Variants in CHD7 observed in about 807,000 individuals in gnomAD.
CHD7 encodes ATP-dependent chromatin remodeler CHD7.
CHD7 carries 24 observed loss-of-function variants against 307.3 expected under a neutral mutation model. The ratio of observed to expected loss-of-function variants is 0.08; its 90% confidence interval spans 0.06 to 0.11. CHD7 has a LOEUF of 0.11. Among genes scored for constraint, CHD7 ranks in the 10% least tolerant of loss-of-function variants. The pLI, the probability that CHD7 is intolerant of heterozygous loss-of-function variation, is 1.00. For missense variants in CHD7, 3,106 were observed against 3,727.1 expected (o/e 0.83, Z 4.34); for synonymous variants, 1,363 against 1,349.9 (o/e 1.01, Z -0.21).
At chr8:60,693,585 C>T (rs555854731) in intron 1 of CHD7, among the ~76,000 whole-genome samples, 104 of 152,284 alleles carry the variant, frequency 6.8e-4, no homozygotes, top group Non-Finnish European at 1.3e-3. Context: ...CCTCAGCTAT[C>T]GAGCCCCTGC....
intron 1 of CHD7, among the ~76,000 whole-genome samples, chr8:60,715,614 C>T (rs993408697): frequency 1.3e-5 from 2 of 152,212 alleles, no homozygotes; most frequent in South Asian, 4.1e-4. Flanking sequence ...CCACCGCGCC[C>T]AGCCCCTTCC....
rs943066312 is a variant in CHD7 at position 60,864,716 on chromosome 8, A to G, written c.8077-300A>G. ...GATCTTACTCATCCTGTCTAACTCT[A>G]TTTTTGTACCCCATAATGTACTTTC... On this transcript the variant is annotated intron_variant, in intron 37 of 37. Coordinates refer to ENST00000423902, the MANE Select transcript of CHD7 (RefSeq NM_017780.4). 1.6e-4 allele frequency: 56 copies of G among 343,936 alleles called. 1 individual carries two copies. The East Asian group carries it at 3.3e-3, about 20-fold the overall frequency. The allele number at this position is 343,936 out of a possible 1,614,324, so 21.3% of individuals were successfully genotyped here. A position where few individuals can be genotyped will look rare whatever the true frequency, so the allele number is the denominator to read the frequency against.
At chr8:60,770,116 G>A (rs776602587) in intron 2 of CHD7, among the ~76,000 whole-genome samples, 10 of 152,186 alleles carry the variant, frequency 6.6e-5, no homozygotes, top group Non-Finnish European at 1.0e-4. Context: ...TAACCACTGC[G>A]TACATACACA....
At chr8:60,735,515 G>A (rs1197025499) in intron 1 of CHD7, among the ~76,000 whole-genome samples, 2 of 152,064 alleles carry the variant, frequency 1.3e-5, no homozygotes, top group African/African-American at 4.8e-5. Flanking sequence ...TCTGAATTGT[G>A]TATAGTTGAG....
At chr8:60,751,689 A>G (rs1809649515) in intron 2 of CHD7, among the ~76,000 whole-genome samples, 1 of 152,166 alleles carries the variant, frequency 6.6e-6, no homozygotes, top group Non-Finnish European at 1.5e-5. Context: ...TGTCACCAGG[A>G]GTGAGGTTTT....
At chr8:60,851,351 C>G (rs956146585) in intron 28 of CHD7, 32 bp downstream of exon 28, 56 of 1,492,174 alleles carry the variant, frequency 3.8e-5, no homozygotes, top group Non-Finnish European at 4.9e-5. Flanking sequence ...TGTAGCCGAG[C>G]AGACGTGCAC....
At position 60,718,646 on chromosome 8, in the gene CHD7, A is replaced by G. The variant is rs1173446566; in HGVS notation, c.-174-22613A>G. Among the ~76,000 whole-genome samples, 3 of 152,248 alleles carry G rather than the reference A, an allele frequency of 2.0e-5. No homozygotes were observed. The East Asian group carries it at 5.8e-4, about 29-fold the overall frequency. Reference sequence around the variant, plus strand: ...AAGTCAAAAGGTTAAAGTCTATAAAATAAAAAAGTTACAGTAAACAGATAA... The same window carrying G: ...AAGTCAAAAGGTTAAAGTCTATAAAGTAAAAAAGTTACAGTAAACAGATAA... On this transcript the variant is annotated intron_variant, in intron 1 of 37. Transcript: ENST00000423902.
intron 1 of CHD7, among the ~76,000 whole-genome samples, chr8:60,722,703 T>C (rs1476064981): frequency 2.6e-5 from 4 of 152,232 alleles, no homozygotes. Context: ...TTCCTATTTT[T>C]ATAAATCTCT....
intron 1 of CHD7, among the ~76,000 whole-genome samples, chr8:60,696,978 C>T (rs185231917): frequency 1.6e-3 from 248 of 151,620 alleles, no homozygotes; most frequent in African/African-American, 5.9e-3. Context: ...AATCAAGGAA[C>T]ATAAGAATAA....
chr8:60,850,429 T>G, intron 25 of CHD7, 64 bp from the exon 26 acceptor site: 1 of 1,552,190 alleles, frequency 6.4e-7, no homozygotes, highest in Non-Finnish European at 8.8e-7. Context: ...TGCTGTGATT[T>G]TGCCAGTGAT....
At chr8:60,701,335 T>C (rs563977800) in intron 1 of CHD7, among the ~76,000 whole-genome samples, 1 of 152,260 alleles carries the variant, frequency 6.6e-6, no homozygotes, top group Non-Finnish European at 1.5e-5. Flanking sequence ...GAAAGTCTTA[T>C]AATCAGTATC....
At position 60,844,564 on chromosome 8, in the gene CHD7, T is replaced by C. The variant is rs570522399; in HGVS notation, c.4851-300T>C. On this transcript the variant is annotated intron_variant, in intron 21 of 37. Transcript: ENST00000423902. ...AGTCCATGATTTCCAGGCCCTCGGA[T>C]GCACTCATGTCCTGAAAATTGCTGC... is the stretch of plus-strand genomic sequence containing the variant. Among the ~76,000 whole-genome samples, 24 of 152,312 alleles carry C rather than the reference T, an allele frequency of 1.6e-4. No homozygotes were observed. In the East Asian group the frequency reaches 4.2e-3, roughly 27 times the overall value.
At chr8:60,837,061 C>A in intron 17 of CHD7, 49 bp downstream of exon 17, 1 of 1,429,896 alleles carries the variant, frequency 7.0e-7, no homozygotes, top group Admixed American at 1.8e-5. Flanking sequence ...AGTCATTCTG[C>A]TTACTATGAC....
chr8:60,835,901 A>G (rs1804720947), intron 15 of CHD7, among the ~76,000 whole-genome samples, 172 bp from the exon 16 acceptor site: 2 of 152,180 alleles, frequency 1.3e-5, no homozygotes, highest in African/African-American at 4.8e-5. Flanking sequence ...CCTTTTGTAC[A>G]TCCACAGTTT....
At chr8:60,780,911 G>A in intron 2 of CHD7, 89 bp from the exon 3 acceptor site, 1 of 1,397,436 alleles carries the variant, frequency 7.2e-7, no homozygotes, top group Non-Finnish European at 9.3e-7. Flanking sequence ...TATAGAATAA[G>A]TTTCAGAAAC....
At chr8:60,708,851 A>G (rs993291534) in intron 1 of CHD7, among the ~76,000 whole-genome samples, 9 of 152,198 alleles carry the variant, frequency 5.9e-5, no homozygotes, top group African/African-American at 1.4e-4. Context: ...CTTTCATTCT[A>G]GTTATATGGG....
At chr8:60,702,333 T>G (rs1480325315) in intron 1 of CHD7, among the ~76,000 whole-genome samples, 1 of 152,250 alleles carries the variant, frequency 6.6e-6, no homozygotes, top group Non-Finnish European at 1.5e-5. Flanking sequence ...AGGATATTCT[T>G]ATTTTAGATG....
chr8:60,758,398 A>G (rs1269709767), intron 2 of CHD7, among the ~76,000 whole-genome samples: 1 of 152,206 alleles, frequency 6.6e-6, no homozygotes, highest in Non-Finnish European at 1.5e-5. Context: ...TGCTGGGATT[A>G]CAGGGATGAG....
chr8:60,680,233 C>T (rs1367849667), intron 1 of CHD7, among the ~76,000 whole-genome samples: 1 of 151,486 alleles, frequency 6.6e-6, no homozygotes, highest in Non-Finnish European at 1.5e-5. Context: ...GGCTGGAGGC[C>T]AAGCGGTCAG....
Sources: allele counts gnomAD v4.1 joint callset (sites outside exome capture counted in the v4.1 genomes callset), GRCh38; gene constraint gnomAD v4.1.1; transcripts MANE v1.5; gene names NCBI Gene and HGNC (gene_info 2026-07-23, HGNC 2026-07-21).